Variants in MSRA observed in about 807,000 individuals in gnomAD.
The protein encoded by MSRA is mitochondrial peptide methionine sulfoxide reductase.
Under a neutral mutation model 31.3 loss-of-function variants are expected in MSRA, and 54 were observed. The observed-to-expected ratio is 1.73, with a 90% CI of 1.39 to 2.17. The LOEUF (loss-of-function observed/expected upper bound fraction) is 2.17. MSRA is among the 30% of genes most tolerant of loss of function. The pLI, the probability that MSRA is intolerant of heterozygous loss-of-function variation, is 0.00. For missense variants in MSRA, 507 were observed against 300.9 expected, an observed-to-expected ratio of 1.69 and a Z score of -5.07; for synonymous variants, 169 against 116.5, an observed-to-expected ratio of 1.45 and a Z score of -2.90.
chr8:10,339,712 T>G (rs1217686113), intron 5 of MSRA, among the ~76,000 whole-genome samples: 3 of 150,894 alleles, frequency 2.0e-5, no homozygotes, highest in Non-Finnish European at 4.4e-5. Context: ...CGGCTAATTT[T>G]TTGTATTTTT....
intron 5 of MSRA, among the ~76,000 whole-genome samples, chr8:10,356,319 T>C (rs1003506972): frequency 4.6e-5 from 7 of 152,222 alleles, no homozygotes; most frequent in Admixed American, 1.3e-4. Context: ...CAGAAAGCAA[T>C]ATTAAGCAAA....
At chr8:10,264,611 A>C (rs914989935) in intron 3 of MSRA, among the ~76,000 whole-genome samples, 8 of 152,254 alleles carry the variant, frequency 5.3e-5, no homozygotes, top group African/African-American at 1.9e-4. Context: ...CTGCTTGGAG[A>C]GCAGGAGTGA....
At chr8:10,340,636 G>C (rs1213033787) in intron 5 of MSRA, among the ~76,000 whole-genome samples, 1 of 152,260 alleles carries the variant, frequency 6.6e-6, no homozygotes, top group Non-Finnish European at 1.5e-5. Context: ...GCCTCCCAAA[G>C]TGCTGGGATT....
intron 5 of MSRA, among the ~76,000 whole-genome samples, chr8:10,403,964 A>C (rs982251662): frequency 1.3e-5 from 2 of 152,228 alleles, no homozygotes; most frequent in East Asian, 3.8e-4. Context: ...AGCATTTAAG[A>C]GATGACAATG....
chr8:10,292,524 G>C (rs1012513156), intron 3 of MSRA, among the ~76,000 whole-genome samples: 1 of 152,256 alleles, frequency 6.6e-6, no homozygotes, highest in Admixed American at 6.5e-5. Flanking sequence ...AACTCTGCCT[G>C]CTCCCTCCAC....
chr8:10,092,577 G>T lies in MSRA; in HGVS notation c.142+37919G>T, dbSNP rs1009401138. On this transcript the variant is annotated intron_variant, in intron 1 of 5. Transcript: ENST00000317173. ...GGAGGCTGAGGCAGGAGAATCGCTT[G>T]AATCCAGGAAGTGGAGGTTGCAGTG... 3.7e-4 allele frequency among the ~76,000 whole-genome samples: 56 copies of T among 151,920 alleles called. 1 individual carries two copies. Among genetic ancestry groups the T allele is most frequent in the African/African-American group, 1.3e-3 (55 of 41,442 alleles).
rs937930126 is a variant in MSRA, at chr8:10,283,941, G to C, written c.332-17593G>C. ...GATTGGTTCTGCATTTTGCAATTGT[G>C]AATTGTGCTGCTATAAACATGCATG... On this transcript the variant is annotated intron_variant, in intron 3 of 5. Coordinates refer to ENST00000317173, the MANE Select transcript of MSRA (RefSeq NM_012331.5). 2.5e-4 allele frequency among the ~76,000 whole-genome samples: 38 copies of C among 150,604 alleles called. 1 individual carries two copies. Among genetic ancestry groups the C allele is most frequent in the African/African-American group, 8.8e-4 (36 of 41,036 alleles).
chr8:10,079,958 G>A (rs181173560), intron 1 of MSRA, among the ~76,000 whole-genome samples: 140 of 152,230 alleles, frequency 9.2e-4, no homozygotes, highest in African/African-American at 3.2e-3. Flanking sequence ...CCTGACCTGC[G>A]GTAATTTTAA....
chr8:10,293,608 C>A (rs1181157360), intron 3 of MSRA, among the ~76,000 whole-genome samples: 1 of 152,226 alleles, frequency 6.6e-6, no homozygotes, highest in Non-Finnish European at 1.5e-5. Context: ...ACTAGGGAAT[C>A]ATCTGGACAG....
chr8:10,276,377 G>T (rs1248981482), intron 3 of MSRA, among the ~76,000 whole-genome samples: 2 of 152,114 alleles, frequency 1.3e-5, no homozygotes, highest in African/African-American at 4.8e-5. Context: ...AATTTCCTTT[G>T]TCTCAGCAGT....
At chr8:10,097,848 C>G (rs1045020304) in intron 1 of MSRA, among the ~76,000 whole-genome samples, 1 of 152,036 alleles carries the variant, frequency 6.6e-6, no homozygotes, top group African/African-American at 2.4e-5. Context: ...ACTGGTAAAA[C>G]TACATTTTAC....
chr8:10,157,318 G>C (rs1278701886), intron 1 of MSRA, among the ~76,000 whole-genome samples: 2 of 152,158 alleles, frequency 1.3e-5, no homozygotes, highest in Non-Finnish European at 2.9e-5. Context: ...AGGAACCCTG[G>C]CTTCTGCTTC....
chr8:10,297,220 A>C (rs1800593207), intron 3 of MSRA, among the ~76,000 whole-genome samples: 1 of 152,166 alleles, frequency 6.6e-6, no homozygotes, highest in Admixed American at 6.5e-5. Context: ...GTCTAATCCA[A>C]GGAATGGCTG....
intron 2 of MSRA, among the ~76,000 whole-genome samples, chr8:10,239,091 G>A (rs1812189175): frequency 2.0e-5 from 3 of 151,960 alleles, no homozygotes; most frequent in Admixed American, 6.6e-5. Context: ...CTTTATAAAC[G>A]AGTGTACGTG....
chr8:10,077,627 T>A (rs768236374), intron 1 of MSRA, among the ~76,000 whole-genome samples: 1 of 152,000 alleles, frequency 6.6e-6, no homozygotes, highest in Non-Finnish European at 1.5e-5. Flanking sequence ...CTGGACCCCT[T>A]TTGTTTTTTA....
At chr8:10,404,329 C>T (rs1266754950) in intron 5 of MSRA, among the ~76,000 whole-genome samples, 1 of 152,190 alleles carries the variant, frequency 6.6e-6, no homozygotes, top group African/African-American at 2.4e-5. Flanking sequence ...CACTAGATGC[C>T]TTTCTCCCCA....
intron 5 of MSRA, among the ~76,000 whole-genome samples, chr8:10,339,893 G>A (rs1004180609): frequency 2.6e-5 from 4 of 152,046 alleles, no homozygotes; most frequent in Non-Finnish European, 5.9e-5. Context: ...GGAACATAAG[G>A]ACCCTATGGT....
chr8:10,219,935 T>C (rs578244214), intron 2 of MSRA, among the ~76,000 whole-genome samples: 8 of 152,184 alleles, frequency 5.3e-5, no homozygotes, highest in African/African-American at 1.9e-4. Context: ...GCCAGTTCTT[T>C]TTTTTCAGGA....
chr8:10,153,126 T>G (rs1585044245), intron 1 of MSRA, among the ~76,000 whole-genome samples: 1 of 152,174 alleles, frequency 6.6e-6, no homozygotes, highest in East Asian at 1.9e-4. Flanking sequence ...GCGGTACACT[T>G]AGAAATGGTT....
Sources: allele counts gnomAD v4.1 joint callset (sites outside exome capture counted in the v4.1 genomes callset), GRCh38; gene constraint gnomAD v4.1.1; transcripts MANE v1.5; gene names NCBI Gene and HGNC (gene_info 2026-07-23, HGNC 2026-07-21).